TCF4: variants seen among roughly 807,000 people sequenced by gnomAD.
TCF4 encodes the protein SL3-3 enhancer factor 2.
Under a neutral mutation model 82.1 loss-of-function variants are expected in TCF4, and 3 were observed. The observed-to-expected ratio is 0.04, with a 90% CI of 0.02 to 0.09. The LOEUF (loss-of-function observed/expected upper bound fraction) is 0.09. Ranked by LOEUF, TCF4 falls within the 10% of genes least tolerant of loss-of-function variation. The probability of loss-of-function intolerance (pLI) is 1.00; values close to 1 mark genes in which losing one functional copy is unlikely to be tolerated. For synonymous variants in TCF4, 276 were observed against 309.6 expected (o/e 0.89, Z 1.14); for missense variants, 518 against 852.7 (o/e 0.61, Z 4.89).
At chr18:55,528,633 G>A (rs1178122077) in intron 3 of TCF4, among the ~76,000 whole-genome samples, 1 of 152,112 alleles carries the variant, frequency 6.6e-6, no homozygotes, top group African/African-American at 2.4e-5. Context: ...CACAGAAATT[G>A]GACAACACCA....
At chr18:55,377,376 C>T (rs1194806986) in intron 6 of TCF4, among the ~76,000 whole-genome samples, 1 of 152,134 alleles carries the variant, frequency 6.6e-6, no homozygotes, top group Admixed American at 6.5e-5. Context: ...CAAAACAAGC[C>T]ACTCTTGGAG....
At position 55,371,527 on chromosome 18, in the gene TCF4, C is replaced by A. The variant is rs75192701; in HGVS notation, c.370-20524G>T. Among the ~76,000 whole-genome samples the A allele has an allele frequency of 5.1e-4, 78 of 152,212 alleles. No homozygotes were observed. In the East Asian group the frequency reaches 9.3e-3, roughly 18 times the overall value. ...TACAAAAGGAGTGCTTCGGTGAGAG[C>A]CAAGGAAGCTTTGTTTGTTCATTCA... On this transcript the variant is annotated intron_variant, in intron 6 of 19. Coordinates refer to ENST00000354452, the MANE Select transcript of TCF4 (RefSeq NM_001083962.2).
chr18:55,432,980 T>A (rs557955184), intron 5 of TCF4, among the ~76,000 whole-genome samples: 4 of 152,348 alleles, frequency 2.6e-5, no homozygotes, highest in African/African-American at 7.2e-5. Context: ...AAGGTCTTTT[T>A]AAAAAGATTC....
intron 2 of TCF4, 67 bp downstream of exon 2, chr18:55,586,978 C>T: frequency 7.2e-7 from 1 of 1,380,506 alleles, no homozygotes; most frequent in Non-Finnish European, 1.0e-6. Context: ...TGGTTTCTAG[C>T]TGAAGTGTTT....
chr18:55,362,183 C>T (rs760476031), intron 6 of TCF4, among the ~76,000 whole-genome samples: 19 of 152,062 alleles, frequency 1.2e-4, no homozygotes, highest in Non-Finnish European at 2.2e-4. Flanking sequence ...TGGCTCATGC[C>T]TGTAATCCCA....
At chr18:55,429,748 G>C (rs977262580) in intron 5 of TCF4, among the ~76,000 whole-genome samples, 1 of 107,394 alleles carries the variant, frequency 9.3e-6, no homozygotes, top group Non-Finnish European at 1.7e-5. Context: ...TTGGGGGACA[G>C]AGCAAGACTC....
At chr18:55,243,448 G>A (rs1405504782) in intron 15 of TCF4, among the ~76,000 whole-genome samples, 4 of 152,022 alleles carry the variant, frequency 2.6e-5, no homozygotes, top group African/African-American at 7.3e-5. Flanking sequence ...CTTTCATCTC[G>A]CAGCTATACA....
chr18:55,551,890 G>A (rs553667140), intron 3 of TCF4: 1 of 152,234 alleles, frequency 6.6e-6, no homozygotes, highest in Admixed American at 6.5e-5. Flanking sequence ...ACTTTTTCTG[G>A]TAAAACAGGA....
At chr18:55,392,818 T>C (rs191933649) in intron 6 of TCF4, among the ~76,000 whole-genome samples, 2 of 152,248 alleles carry the variant, frequency 1.3e-5, no homozygotes, top group African/African-American at 4.8e-5. Flanking sequence ...TATACACATA[T>C]ATGTTTCCCA....
chr18:55,483,774 T>C (rs1274462631), intron 3 of TCF4, among the ~76,000 whole-genome samples: 1 of 152,240 alleles, frequency 6.6e-6, no homozygotes, highest in Non-Finnish European at 1.5e-5. Flanking sequence ...GCATTCTGCG[T>C]CACTTACTTG....
intron 17 of TCF4, chr18:55,229,670 G>A (rs2047319769): frequency 6.4e-6 from 1 of 155,732 alleles, no homozygotes; most frequent in Admixed American, 6.2e-5. Context: ...TTATTCAGGT[G>A]TCCCCATTAC....
intron 8 of TCF4, chr18:55,321,896 C>T: frequency 5.7e-6 from 8 of 1,403,008 alleles, no homozygotes; most frequent in Non-Finnish European, 7.4e-6. Context: ...TCCTGGCGGG[C>T]GGGGGAGGCC....
chr18:55,535,525 AAC>A (rs1277951416), intron 3 of TCF4, among the ~76,000 whole-genome samples: 3 of 152,236 alleles, frequency 2.0e-5, no homozygotes, highest in African/African-American at 4.8e-5. Flanking sequence ...AGAAAATTAT[AAC>A]ACTACCAAGC....
At position 55,560,172 on chromosome 18, in the gene TCF4, C is replaced by T. The variant is rs569752488; in HGVS notation, c.145+25108G>A. ...TAACCAGGGCTGTACAGACGATTTC[C>T]GTAAATGAAGTTTTATTCCAAACAA... On this transcript the variant is annotated intron_variant, in intron 3 of 19. Coordinates refer to ENST00000354452, the MANE Select transcript of TCF4 (RefSeq NM_001083962.2). Among the ~76,000 whole-genome samples the T allele has an allele frequency of 9.2e-5, 14 of 152,192 alleles. No individual in the cohort carries two copies. The South Asian group carries it at 2.1e-3, about 23-fold the overall frequency.
At chr18:55,238,332 A>G (rs2050168835) in intron 15 of TCF4, among the ~76,000 whole-genome samples, 1 of 152,250 alleles carries the variant, frequency 6.6e-6, no homozygotes, top group Non-Finnish European at 1.5e-5. Context: ...TAAAAATAGA[A>G]GATAGAAGTG....
intron 3 of TCF4, among the ~76,000 whole-genome samples, chr18:55,522,022 C>G (rs1289256741): frequency 6.6e-6 from 1 of 152,104 alleles, no homozygotes; most frequent in Non-Finnish European, 1.5e-5. Context: ...CCTGTAAGCT[C>G]AGAGAGACGT....
chr18:55,624,457 G>T (rs1308364352), intron 2 of TCF4, among the ~76,000 whole-genome samples: 1 of 151,808 alleles, frequency 6.6e-6, no homozygotes, highest in Non-Finnish European at 1.5e-5. Flanking sequence ...CTGGGCTTCA[G>T]TCCTTAAAAC....
chr18:55,600,022 G>T (rs2097695180), intron 2 of TCF4, among the ~76,000 whole-genome samples: 1 of 151,976 alleles, frequency 6.6e-6, no homozygotes, highest in Non-Finnish European at 1.5e-5. Context: ...TGTGAGATTT[G>T]TCCATGTGGT....
At chr18:55,466,826 G>C (rs530236285) in intron 3 of TCF4, among the ~76,000 whole-genome samples, 1 of 152,234 alleles carries the variant, frequency 6.6e-6, no homozygotes, top group Non-Finnish European at 1.5e-5. Context: ...TTTCAAAAGC[G>C]AGCAATCCAC....
Sources: gnomAD v4.1 joint callset for allele counts (sites outside exome capture counted in the v4.1 genomes callset) on GRCh38, gnomAD v4.1.1 for gene constraint, MANE v1.5 for transcripts, NCBI Gene and HGNC (gene_info 2026-07-23, HGNC 2026-07-21) for gene names.